RHOBTB1: variants seen among roughly 807,000 people sequenced by gnomAD.
RHOBTB1 encodes Rho related BTB domain containing 1, also known as rho-related BTB domain-containing protein 1.
A neutral mutation model predicts 71.6 loss-of-function variants in RHOBTB1; 40 were observed. That is an observed-to-expected ratio of 0.56 (90% CI 0.43 to 0.73). The LOEUF is 0.73. RHOBTB1 is among the 30% of genes least tolerant of loss of function. The pLI is 0.00. For missense variants in RHOBTB1, 797 were observed against 894.0 expected (o/e 0.89, Z 1.38); for synonymous variants, 319 against 334.9 (o/e 0.95, Z 0.52).
chr10:60,952,102 TATAAG>T (rs144457620), intron 2 of RHOBTB1, among the ~76,000 whole-genome samples: 4,145 of 151,526 alleles, frequency 0.027, 201 homozygotes, highest in African/African-American at 0.096. Context: ...ATAAAACTTT[TATAAG>T]ATGAGTTAGT....
chr10:60,872,324 A>G (rs1354067405), intron 9 of RHOBTB1, 34 bp from the exon 10 acceptor site: 1 of 1,497,790 alleles, frequency 6.7e-7, no homozygotes, highest in Non-Finnish European at 9.3e-7. Flanking sequence ...GGGTAAGACT[A>G]TTTTCTAAAG....
At chr10:60,873,785 T>C (rs1375551914) in intron 9 of RHOBTB1, among the ~76,000 whole-genome samples, 2 of 152,250 alleles carry the variant, frequency 1.3e-5, no homozygotes, top group African/African-American at 4.8e-5. Context: ...AATCCCTAAT[T>C]GGATTTTAAT....
chr10:60,911,306 C>A, intron 3 of RHOBTB1, 45 bp downstream of exon 3: 1 of 1,540,302 alleles, frequency 6.5e-7, no homozygotes, highest in Non-Finnish European at 8.9e-7. Flanking sequence ...TGGCAACCAG[C>A]AATGATGTGC....
intron 5 of RHOBTB1, among the ~76,000 whole-genome samples, chr10:60,892,461 T>A (rs1425307404): frequency 2.0e-5 from 3 of 152,212 alleles, no homozygotes; most frequent in Non-Finnish European, 4.4e-5. Context: ...TTAACTAATT[T>A]TATTGTAATA....
chr10:60,982,353 G>C (rs1390592099), intron 2 of RHOBTB1, among the ~76,000 whole-genome samples: 1 of 152,090 alleles, frequency 6.6e-6, no homozygotes, highest in African/African-American at 2.4e-5. Flanking sequence ...TAGGTGATGT[G>C]GAGTTCCTTC....
At chr10:60,877,871 T>G (rs1207176710) in intron 8 of RHOBTB1, 37 bp downstream of exon 8, 1 of 1,571,948 alleles carries the variant, frequency 6.4e-7, no homozygotes, top group Non-Finnish European at 8.6e-7. Context: ...TTGACAAATA[T>G]GACAGACACT....
intron 2 of RHOBTB1, among the ~76,000 whole-genome samples, chr10:60,983,854 T>C (rs556240583): frequency 1.3e-5 from 2 of 152,316 alleles, no homozygotes; most frequent in East Asian, 3.9e-4. Flanking sequence ...TTCTGGCCTG[T>C]CCCTCTACTT....
At chr10:60,891,005 G>A (rs2081889254) in intron 5 of RHOBTB1, among the ~76,000 whole-genome samples, 1 of 152,204 alleles carries the variant, frequency 6.6e-6, no homozygotes, top group African/African-American at 2.4e-5. Flanking sequence ...GTCCATGATT[G>A]TGAGGACTGA....
intron 4 of RHOBTB1, among the ~76,000 whole-genome samples, chr10:60,905,493 A>T (rs1329471442): frequency 1.3e-5 from 2 of 151,898 alleles, no homozygotes; most frequent in Non-Finnish European, 2.9e-5. Flanking sequence ...TAAGGCAAAA[A>T]AATCCATGGT....
chr10:60,862,108 C>T, the RHOBTB1 span, among the ~76,000 whole-genome samples: 1 of 151,370 alleles, frequency 6.6e-6, no homozygotes, highest in South Asian at 2.1e-4. Context: ...TTCTTCCTTC[C>T]TTCCTCTCTT....
intron 4 of RHOBTB1, among the ~76,000 whole-genome samples, chr10:60,901,070 A>C (rs993509587): frequency 2.0e-5 from 3 of 152,232 alleles, no homozygotes; most frequent in Admixed American, 6.5e-5. Context: ...AGGCTTAAGA[A>C]AGCCCTCTAT....
intron 2 of RHOBTB1, among the ~76,000 whole-genome samples, chr10:60,962,111 T>A (rs2085803185): frequency 6.6e-6 from 1 of 152,132 alleles, no homozygotes; most frequent in African/African-American, 2.4e-5. Flanking sequence ...CCTGGCCCAT[T>A]TATAATGGCT....
intron 2 of RHOBTB1, among the ~76,000 whole-genome samples, chr10:60,977,811 C>T (rs1056538738): frequency 6.6e-6 from 1 of 152,016 alleles, no homozygotes; most frequent in Non-Finnish European, 1.5e-5. Context: ...TGCTTTACTG[C>T]CTTTAAAACA....
chr10:60,955,001 C>A (rs2085535700), intron 2 of RHOBTB1, among the ~76,000 whole-genome samples: 2 of 150,640 alleles, frequency 1.3e-5, no homozygotes, highest in African/African-American at 4.9e-5. Context: ...TTTGAGCTAC[C>A]CATACTTATT....
intron 2 of RHOBTB1, among the ~76,000 whole-genome samples, chr10:60,969,895 C>T (rs966523395): frequency 6.6e-6 from 1 of 152,128 alleles, no homozygotes; most frequent in African/African-American, 2.4e-5. Flanking sequence ...TAATCCCTTC[C>T]TCCATTCTCA....
intron 2 of RHOBTB1, among the ~76,000 whole-genome samples, chr10:60,978,160 C>T (rs2086376940): frequency 6.6e-6 from 1 of 152,014 alleles, no homozygotes; most frequent in Non-Finnish European, 1.5e-5. Context: ...TATATTTTTG[C>T]CTATTGAAGC....
chr10:60,979,136 A>C (rs895574229), intron 2 of RHOBTB1, among the ~76,000 whole-genome samples: 1 of 152,144 alleles, frequency 6.6e-6, no homozygotes, highest in Non-Finnish European at 1.5e-5. Flanking sequence ...TGCTAGGAAA[A>C]GTGTGCCTAG....
At chr10:60,991,555 T>C (rs1310012453) in intron 1 of RHOBTB1, among the ~76,000 whole-genome samples, 1 of 151,764 alleles carries the variant, frequency 6.6e-6, no homozygotes, top group Non-Finnish European at 1.5e-5. Flanking sequence ...CTCAGCCTCC[T>C]GAGCAGCTGG....
chr10:60,924,597 A>G (rs1207591102), intron 2 of RHOBTB1, among the ~76,000 whole-genome samples: 1 of 152,200 alleles, frequency 6.6e-6, no homozygotes, highest in African/African-American at 2.4e-5. Context: ...ATCTAGACAG[A>G]AAACCAAGAA....
Sources: gnomAD v4.1 joint callset for allele counts (sites outside exome capture counted in the v4.1 genomes callset) on GRCh38, gnomAD v4.1.1 for gene constraint, MANE v1.5 for transcripts, NCBI Gene and HGNC (gene_info 2026-07-23, HGNC 2026-07-21) for gene names.